The following TTLL11 variants were observed in gnomAD, a reference collection of about 807,000 sequenced individuals.
TTLL11 encodes tubulin tyrosine ligase like 11, also known as tubulin polyglutamylase TTLL11.
Under a neutral mutation model 51.7 loss-of-function variants are expected in TTLL11, and 42 were observed. That is an observed-to-expected ratio of 0.81 (90% CI 0.64 to 1.05). TTLL11 has a LOEUF of 1.05. TTLL11 is among the 50% of genes least tolerant of loss of function. TTLL11 has a pLI of 0.00. For synonymous variants in TTLL11, 381 were observed against 383.5 expected (o/e 0.99, Z 0.08); for missense variants, 799 against 940.4 (o/e 0.85, Z 1.97).
At chr9:121,985,391 C>T (rs971729171) in intron 4 of TTLL11, among the ~76,000 whole-genome samples, 1 of 152,088 alleles carries the variant, frequency 6.6e-6, no homozygotes, top group East Asian at 1.9e-4. Context: ...CTAACCGGGT[C>T]CCTTAATCTC....
chr9:121,866,643 G>T (rs1838183858), intron 7 of TTLL11, among the ~76,000 whole-genome samples: 1 of 133,932 alleles, frequency 7.5e-6, no homozygotes, highest in Non-Finnish European at 1.5e-5. Flanking sequence ...CTGGGCAACA[G>T]AGCAAGACTC....
At chr9:121,904,421 C>T (rs374901928) in intron 6 of TTLL11, among the ~76,000 whole-genome samples, 14 of 152,226 alleles carry the variant, frequency 9.2e-5, no homozygotes, top group South Asian at 6.2e-4. Flanking sequence ...GTGATCTGCC[C>T]GCCTCGGCCT....
At chr9:121,982,348 G>A in intron 4 of TTLL11, among the ~76,000 whole-genome samples, 1 of 152,154 alleles carries the variant, frequency 6.6e-6, no homozygotes, top group East Asian at 1.9e-4. Flanking sequence ...GGAGGTTATT[G>A]TTACTCCCTC....
intron 7 of TTLL11, among the ~76,000 whole-genome samples, chr9:121,865,505 C>T (rs943332761): frequency 2.0e-5 from 3 of 152,106 alleles, no homozygotes; most frequent in Non-Finnish European, 4.4e-5. Context: ...ATGCAGCATA[C>T]GCAAACTGAT....
chr9:121,831,116 C>G (rs1243438281), intron 8 of TTLL11, among the ~76,000 whole-genome samples: 1 of 152,190 alleles, frequency 6.6e-6, no homozygotes, highest in East Asian at 1.9e-4. Flanking sequence ...AGCCAGCAAT[C>G]TTATGCAGGA....
chr9:122,047,134 G>C (rs1214676692), intron 1 of TTLL11, among the ~76,000 whole-genome samples: 3 of 152,194 alleles, frequency 2.0e-5, no homozygotes, highest in Non-Finnish European at 4.4e-5. Context: ...GCCACCCCGT[G>C]TCAGGTGACC....
chr9:121,890,420 A>G lies in TTLL11; in HGVS notation c.1482-19672T>C, dbSNP rs375431776. On this transcript the variant is annotated intron_variant, in intron 6 of 8. Coordinates refer to ENST00000321582, the MANE Select transcript of TTLL11 (RefSeq NM_001139442.2). The surrounding 1 kb of genome is among the most constrained non-coding windows in gnomAD (Gnocchi z 4.3). ...CCGCTTCCAATGTGTCCTTCATGTC[A>G]TAGCCAAAATCCCCAAGCCTGTCCC... Among the ~76,000 whole-genome samples the G allele has an allele frequency of 6.6e-5, 10 of 152,180 alleles. No homozygotes were observed. The East Asian group carries it at 1.7e-3, about 26-fold the overall frequency.
chr9:121,899,396 T>TAC (rs1564295513), intron 6 of TTLL11, among the ~76,000 whole-genome samples: 1 of 139,452 alleles, frequency 7.2e-6, no homozygotes, highest in Non-Finnish European at 1.6e-5. Flanking sequence ...TATATATATA[T>TAC]ATATATACAC....
chr9:122,057,408 G>A (rs1301011792), intron 1 of TTLL11, among the ~76,000 whole-genome samples: 3 of 149,184 alleles, frequency 2.0e-5, no homozygotes, highest in East Asian at 2.0e-4. Context: ...TGCAACCTCC[G>A]GCTCCCGGGT....
chr9:122,035,646 T>C (rs1337968088), intron 2 of TTLL11, among the ~76,000 whole-genome samples: 2 of 152,246 alleles, frequency 1.3e-5, no homozygotes, highest in African/African-American at 4.8e-5. Context: ...AGATCCATCC[T>C]GTTCTCTCTA....
At chr9:122,010,784 CA>C (rs1843772215) in intron 3 of TTLL11, among the ~76,000 whole-genome samples, 1 of 152,084 alleles carries the variant, frequency 6.6e-6, no homozygotes, top group African/African-American at 2.4e-5. Context: ...TGAAATCTGC[CA>C]AAATGTCCTC....
intron 6 of TTLL11, among the ~76,000 whole-genome samples, chr9:121,875,788 T>A (rs1410809889): frequency 6.6e-6 from 1 of 152,230 alleles, no homozygotes; most frequent in East Asian, 1.9e-4. Flanking sequence ...AGCTGACTAG[T>A]CCTTTGGGAT....
intron 1 of TTLL11, among the ~76,000 whole-genome samples, chr9:122,066,807 A>G (rs1375348249): frequency 1.3e-5 from 2 of 152,186 alleles, no homozygotes; most frequent in African/African-American, 2.4e-5. Flanking sequence ...GGTTTGACTC[A>G]CAGTTCAGCA....
intron 1 of TTLL11, among the ~76,000 whole-genome samples, chr9:122,086,855 A>G (rs898872750): frequency 4.6e-5 from 7 of 152,226 alleles, no homozygotes; most frequent in Non-Finnish European, 8.8e-5. Context: ...TGGGTTTTGG[A>G]ACAAAAAAAG....
At chr9:122,039,884 T>TCA (rs1219355523) in intron 1 of TTLL11, among the ~76,000 whole-genome samples, 157 of 151,246 alleles carry the variant, frequency 1.0e-3, no homozygotes, top group African/African-American at 2.7e-3. Flanking sequence ...TCTCTCTCTC[T>TCA]CTCACACACA....
chr9:121,839,317 G>A (rs1456645640), intron 8 of TTLL11, among the ~76,000 whole-genome samples: 2 of 152,084 alleles, frequency 1.3e-5, no homozygotes, highest in African/African-American at 4.8e-5. Context: ...GTGTAGGGGC[G>A]GCTCATTGAA....
At chr9:121,840,362 G>A (rs1193330777) in intron 8 of TTLL11, among the ~76,000 whole-genome samples, 1 of 152,146 alleles carries the variant, frequency 6.6e-6, no homozygotes, top group African/African-American at 2.4e-5. Flanking sequence ...ACAGGCTGGA[G>A]GGGGCAAGTG....
At chr9:121,887,981 A>G (rs569222208) in intron 6 of TTLL11, among the ~76,000 whole-genome samples, 1 of 152,280 alleles carries the variant, frequency 6.6e-6, no homozygotes, top group Non-Finnish European at 1.5e-5. Context: ...GTTAGCCTGA[A>G]GCTGCCCTGG....
At chr9:121,968,413 C>T (rs1263803711) in intron 6 of TTLL11, among the ~76,000 whole-genome samples, 1 of 152,152 alleles carries the variant, frequency 6.6e-6, no homozygotes, top group Non-Finnish European at 1.5e-5. Context: ...GCTCCAATGT[C>T]GATTCTAGTC....
Sources: allele counts gnomAD v4.1 joint callset (sites outside exome capture counted in the v4.1 genomes callset), GRCh38; gene constraint gnomAD v4.1.1; non-coding constraint Gnocchi (gnomAD v3.1); transcripts MANE v1.5; gene names NCBI Gene and HGNC (gene_info 2026-07-23, HGNC 2026-07-21).